Variants in SVIL observed in about 807,000 individuals in gnomAD.
The protein encoded by SVIL is supervillin, also known as archvillin.
In SVIL, 101 loss-of-function variants were observed where a neutral mutation model predicts 240.4. That is an observed-to-expected ratio of 0.42 (90% CI 0.36 to 0.50). SVIL has a LOEUF of 0.50. Ranked by LOEUF, SVIL falls within the 20% of genes least tolerant of loss-of-function variation. The probability of loss-of-function intolerance (pLI) is 0.01; values close to 1 mark genes in which losing one functional copy is unlikely to be tolerated. For missense variants in SVIL, 2,512 were observed against 2,818.7 expected (o/e 0.89, Z 2.46); for synonymous variants, 999 against 1,100.0 (o/e 0.91, Z 1.82).
intron 3 of SVIL, among the ~76,000 whole-genome samples, chr10:29,560,116 T>C (rs61846629): frequency 0.13 from 19,938 of 152,140 alleles, 1,383 homozygotes; most frequent in Admixed American, 0.15. Flanking sequence ...CAGGCCAGAT[T>C]TGGAATATTC....
intron 3 of SVIL, among the ~76,000 whole-genome samples, chr10:29,641,772 T>C (rs1958493356): frequency 6.6e-6 from 1 of 152,196 alleles, no homozygotes; most frequent in African/African-American, 2.4e-5. Flanking sequence ...GTGACTTACT[T>C]GTGCAGGTGT....
intron 3 of SVIL, among the ~76,000 whole-genome samples, chr10:29,561,733 G>A (rs989437989): frequency 3.3e-5 from 5 of 152,112 alleles, no homozygotes; most frequent in African/African-American, 1.2e-4. Context: ...GAGCCGATGC[G>A]AGCACAGCGT....
At chr10:29,472,386 G>C (rs1415867024) in intron 30 of SVIL, among the ~76,000 whole-genome samples, 2 of 152,216 alleles carry the variant, frequency 1.3e-5, no homozygotes, top group African/African-American at 2.4e-5. Flanking sequence ...TCTTGGAACT[G>C]TGGAAGGCTG....
intron 34 of SVIL, 104 bp from the exon 35 acceptor site, chr10:29,463,739 G>T: frequency 1.4e-6 from 2 of 1,471,828 alleles, no homozygotes; most frequent in South Asian, 1.3e-5. Flanking sequence ...TGACTGCAGT[G>T]TCACAGGGGG....
At chr10:29,530,699 A>C in intron 10 of SVIL, 31 bp from the exon 11 acceptor site, 1 of 1,613,630 alleles carries the variant, frequency 6.2e-7, no homozygotes, top group Non-Finnish European at 8.5e-7. Flanking sequence ...AAAACTGGAC[A>C]TCATTAGAGA....
At position 29,545,031 on chromosome 10, in the gene SVIL, G is replaced by C. The variant is rs374251261; in HGVS notation, c.827+5566C>G. 3 of 534,426 alleles carry C rather than the reference G, an allele frequency of 5.6e-6. No homozygotes were observed. In the East Asian group the frequency reaches 1.6e-4, roughly 29 times the overall value. 33.1% of individuals were successfully genotyped at this position (534,426 alleles called of 1,614,324 possible). On this transcript the variant is annotated intron_variant, in intron 6 of 37. Coordinates refer to ENST00000355867, the MANE Select transcript of SVIL (RefSeq NM_021738.3). ...TCCATGATGCACTGTCCTGAATTCC[G>C]CAGCCTGTGTCAGAAAACCTGCCTG...
chr10:29,529,175 C>CAAAA (rs66523560), intron 12 of SVIL, among the ~76,000 whole-genome samples: 14 of 66,054 alleles, frequency 2.1e-4, no homozygotes, highest in African/African-American at 2.8e-4. Flanking sequence ...GACTCTCTCT[C>CAAAA]AAAAAAAAAA....
chr10:29,717,242 A>ATC (rs1963679866), intron 1 of SVIL, among the ~76,000 whole-genome samples: 2 of 143,156 alleles, frequency 1.4e-5, no homozygotes, highest in South Asian at 2.2e-4. Context: ...CAAAAAAAAA[A>ATC]AAAAAAAAAA....
intron 30 of SVIL, 81 bp from the exon 31 acceptor site, chr10:29,471,324 A>G: frequency 9.1e-7 from 1 of 1,097,882 alleles, no homozygotes. Flanking sequence ...TCTTGCAGAA[A>G]ATCTGAAAAA....
At chr10:29,505,631 A>G (rs982094468) in intron 17 of SVIL, among the ~76,000 whole-genome samples, 20 of 152,170 alleles carry the variant, frequency 1.3e-4, no homozygotes, top group African/African-American at 4.6e-4. Flanking sequence ...TCAAAACCGA[A>G]AGAATGGACC....
intron 3 of SVIL, among the ~76,000 whole-genome samples, chr10:29,657,640 C>T (rs1368181463): frequency 6.6e-6 from 1 of 152,156 alleles, no homozygotes; most frequent in Non-Finnish European, 1.5e-5. Flanking sequence ...CCGAAAGCTC[C>T]CTAATAGCCA....
intron 3 of SVIL, chr10:29,657,941 G>C (rs1249348420): frequency 6.6e-6 from 1 of 152,162 alleles, no homozygotes; most frequent in Non-Finnish European, 1.5e-5. Context: ...AACCACAAAA[G>C]TGTCATATTT....
intron 1 of SVIL, among the ~76,000 whole-genome samples, chr10:29,579,567 G>A (rs1955850509): frequency 6.6e-6 from 1 of 152,210 alleles, no homozygotes; most frequent in Admixed American, 6.5e-5. Context: ...AAATTGACAA[G>A]GTCAAAAGCT....
At chr10:29,685,298 C>A (rs941894076) in intron 2 of SVIL, among the ~76,000 whole-genome samples, 4 of 152,206 alleles carry the variant, frequency 2.6e-5, no homozygotes, top group Non-Finnish European at 5.9e-5. Context: ...ATATGCACCA[C>A]ATGTTCTTTA....
At chr10:29,661,669 A>G (rs1959165230) in intron 2 of SVIL, among the ~76,000 whole-genome samples, 1 of 152,212 alleles carries the variant, frequency 6.6e-6, no homozygotes, top group Admixed American at 6.5e-5. Flanking sequence ...GACCAATTGC[A>G]TCTGGAAGAG....
At chr10:29,527,420 A>AT (rs377704029) in intron 12 of SVIL, among the ~76,000 whole-genome samples, 1 of 151,882 alleles carries the variant, frequency 6.6e-6, no homozygotes, top group African/African-American at 2.4e-5. Flanking sequence ...TTCCAATCTA[A>AT]TTTTTTTCTT....
chr10:29,499,338 A>T, intron 17 of SVIL, 75 bp from the exon 18 acceptor site: 1 of 1,581,918 alleles, frequency 6.3e-7, no homozygotes. Flanking sequence ...GCAGCATTTC[A>T]TGAGTGAAAA....
At chr10:29,681,014 A>G (rs1324677273) in intron 2 of SVIL, among the ~76,000 whole-genome samples, 2 of 152,128 alleles carry the variant, frequency 1.3e-5, no homozygotes, top group African/African-American at 2.4e-5. Flanking sequence ...CAACTGGCTC[A>G]GGGGCAGGAG....
intron 1 of SVIL, among the ~76,000 whole-genome samples, chr10:29,710,202 C>T (rs10159587): frequency 0.49 from 74,181 of 151,632 alleles, 18,565 homozygotes; most frequent in East Asian, 0.8. Context: ...TACAGGTGCG[C>T]GCCACCATGC....
Sources: gnomAD v4.1 joint callset for allele counts (sites outside exome capture counted in the v4.1 genomes callset) on GRCh38, gnomAD v4.1.1 for gene constraint, MANE v1.5 for transcripts, NCBI Gene and HGNC (gene_info 2026-07-23, HGNC 2026-07-21) for gene names.